The following ZNF625 variants were observed in gnomAD, a reference collection of about 807,000 sequenced individuals.
ZNF625 encodes the protein zinc finger protein 625.
Under a neutral mutation model 11.1 loss-of-function variants are expected in ZNF625, and 8 were observed. That is an observed-to-expected ratio of 0.72 (90% CI 0.42 to 1.30). ZNF625 has a LOEUF of 1.30. Among genes scored for constraint, ZNF625 ranks in the 50% most tolerant of loss-of-function variants. ZNF625 has a pLI of 0.01. For synonymous variants in ZNF625, 145 were observed against 153.4 expected (o/e 0.95, Z 0.41); for missense variants, 349 against 447.6 (o/e 0.78, Z 1.99).
intron 1 of ZNF625, among the ~76,000 whole-genome samples, chr19:12,148,594 C>T (rs1241750550): frequency 1.3e-5 from 2 of 150,522 alleles, no homozygotes; most frequent in African/African-American, 4.9e-5. Flanking sequence ...AATAGTATGA[C>T]GGTGCCTGAA....
At chr19:12,148,026 T>C (rs1045308494) in intron 1 of ZNF625, among the ~76,000 whole-genome samples, 1 of 152,092 alleles carries the variant, frequency 6.6e-6, no homozygotes, top group South Asian at 2.1e-4. Context: ...GTCACCCAAG[T>C]GGGAGTGCAG....
At chr19:12,152,091 A>G (rs1976964424) in intron 1 of ZNF625, among the ~76,000 whole-genome samples, 3 of 152,154 alleles carry the variant, frequency 2.0e-5, no homozygotes, top group Admixed American at 2.0e-4. Flanking sequence ...AAGTATATAA[A>G]TTTACACTAT....
At position 12,145,789 on chromosome 19, in the gene ZNF625, G is replaced by A; in HGVS notation, c.627C>T (p.His209=). 3 of 1,614,170 alleles carry A rather than the reference G, an allele frequency of 1.9e-6. No individual in the cohort carries two copies. The highest frequency in any genetic ancestry group is 2.5e-6 in the Non-Finnish European group (3 of 1,180,006). ...ALMCLSLYLI[H]KRTHTGEKPY... ...GTTTCTCTCCAGTGTGAGTTCGTTT[G>A]TGGATAAGATACAAACTGAGACACA... The change falls in exon 4 of 4, where the codon CAC becomes CAT. Residue 209 remains histidine, a synonymous_variant. Transcript: ENST00000439556.
At chr19:12,152,558 C>T (rs1478712884) in intron 1 of ZNF625, among the ~76,000 whole-genome samples, 1 of 151,994 alleles carries the variant, frequency 6.6e-6, no homozygotes, top group Non-Finnish European at 1.5e-5. Context: ...GATAAAAACA[C>T]TCGGCCGGGT....
chr19:12,148,445 T>A (rs1976907677), intron 1 of ZNF625, among the ~76,000 whole-genome samples: 1 of 152,078 alleles, frequency 6.6e-6, no homozygotes, highest in African/African-American at 2.4e-5. Context: ...AACTCCAGGG[T>A]GTCCAGTCTC....
intron 1 of ZNF625, among the ~76,000 whole-genome samples, chr19:12,154,888 C>G (rs912976933): frequency 2.0e-5 from 3 of 152,128 alleles, no homozygotes; most frequent in African/African-American, 7.2e-5. Flanking sequence ...TTAGACACAG[C>G]AACTGACCCA....
intron 3 of ZNF625, among the ~76,000 whole-genome samples, chr19:12,146,628 TG>T (rs1395075441): frequency 6.6e-6 from 1 of 152,154 alleles, no homozygotes; most frequent in South Asian, 2.1e-4. Context: ...GATGGGGTTT[TG>T]TCACATTTCC....
At chr19:12,151,884 T>C (rs1018171721) in intron 1 of ZNF625, among the ~76,000 whole-genome samples, 1 of 152,198 alleles carries the variant, frequency 6.6e-6, no homozygotes, top group African/African-American at 2.4e-5. Flanking sequence ...CAAAATTACA[T>C]ACTTTTTCTC....
At position 12,145,989 on chromosome 19, in the gene ZNF625, C is replaced by T. The variant is rs773470430; in HGVS notation, c.427G>A (p.Ala143Thr). 10 of 1,614,062 alleles carry T rather than the reference C, an allele frequency of 6.2e-6. No individual in the cohort carries two copies. Among genetic ancestry groups the T allele is most frequent in the Admixed American group, 1.7e-5 (1 of 60,004 alleles). ...CGAAAGTAGGGGAGATCACTGAAGG[C>T]TTTCTTACAGTATGTACATTTATAT... ...KPYKCTYCKK[A>T]FSDLPYFRTH... The change falls in exon 4 of 4, where the codon GCC (alanine) becomes ACC (threonine). Residue 143 changes from alanine (A) to threonine (T), a missense_variant. Physicochemically the swap from Ala to Thr is moderately conservative, Grantham distance 58. Transcript: ENST00000439556.
intron 3 of ZNF625, 151 bp downstream of exon 3, chr19:12,147,244 G>A: frequency 1.5e-6 from 1 of 672,782 alleles, no homozygotes; most frequent in Non-Finnish European, 2.5e-6. Flanking sequence ...TGGGATTACA[G>A]GCGTGAGCCA....
At chr19:12,151,244 C>T (rs1333775747) in intron 1 of ZNF625, among the ~76,000 whole-genome samples, 2 of 139,520 alleles carry the variant, frequency 1.4e-5, no homozygotes, top group Non-Finnish European at 3.2e-5. Flanking sequence ...CAGAGTCTCA[C>T]TCTGTCATCC....
intron 3 of ZNF625, among the ~76,000 whole-genome samples, chr19:12,146,970 A>ATT (rs934558893): frequency 7.6e-6 from 1 of 130,818 alleles, no homozygotes; most frequent in Admixed American, 7.6e-5. Context: ...GTTTTTAGAG[A>ATT]TTTTTTTTTT....
Position 12,146,234 on chromosome 19 carries a change from A to G in ZNF625, c.192-10T>C. Reference sequence around the variant, plus strand: ...CTCTCCCATAAGACCTCTGTGAACAATGAGAAGTATATCATAATGGGTTCC... The same window carrying G: ...CTCTCCCATAAGACCTCTGTGAACAGTGAGAAGTATATCATAATGGGTTCC... On this transcript the variant is annotated splice_polypyrimidine_tract_variant and intron_variant, in intron 3 of 3. Transcript: ENST00000439556. 6.2e-7 allele frequency: 1 copy of G among 1,608,072 alleles called. No individual in the cohort carries two copies. Among genetic ancestry groups the G allele is most frequent in the Non-Finnish European group, 8.5e-7 (1 of 1,177,438 alleles).
intron 1 of ZNF625, among the ~76,000 whole-genome samples, chr19:12,153,962 C>A (rs1161566951): frequency 6.6e-6 from 1 of 151,650 alleles, no homozygotes; most frequent in Non-Finnish European, 1.5e-5. Context: ...CACCTGCCGC[C>A]ATGTCCGGCT....
At chr19:12,155,718 G>T (rs1385363712) in intron 1 of ZNF625, among the ~76,000 whole-genome samples, 1 of 152,106 alleles carries the variant, frequency 6.6e-6, no homozygotes, top group Admixed American at 6.5e-5. Context: ...TGCTCTTTCC[G>T]TTATCAAACT....
intron 1 of ZNF625, among the ~76,000 whole-genome samples, chr19:12,150,138 C>A (rs1316189485): frequency 6.6e-6 from 1 of 152,156 alleles, no homozygotes; most frequent in Non-Finnish European, 1.5e-5. Flanking sequence ...TCCAATGCAG[C>A]CATTCATGGC....
At chr19:12,153,637 T>G (rs1976987703) in intron 1 of ZNF625, among the ~76,000 whole-genome samples, 1 of 148,180 alleles carries the variant, frequency 6.7e-6, no homozygotes, top group African/African-American at 2.5e-5. Flanking sequence ...TGAGCTGAGA[T>G]TGTGCCAGTG....
chr19:12,147,572 G>T, intron 2 of ZNF625, 104 bp downstream of exon 2: 6 of 1,565,332 alleles, frequency 3.8e-6, no homozygotes, highest in Non-Finnish European at 4.4e-6. Flanking sequence ...CCTATTCCCT[G>T]TCCTCACTAT....
Position 12,145,260 on chromosome 19 carries a change from T to C in ZNF625, c.*37A>G. 10 of 1,540,364 alleles carry C rather than the reference T, an allele frequency of 6.5e-6. No individual in the cohort carries two copies. The highest frequency in any genetic ancestry group is 8.7e-6 in the Non-Finnish European group (10 of 1,143,568). On this transcript the variant is annotated 3_prime_UTR_variant, in exon 4 of 4. Coordinates refer to ENST00000439556, the MANE Select transcript of ZNF625 (RefSeq NM_145233.4). ...ATTTGAGGGAAACACATTTTTACCA[T>C]GATTGGATTCGGTGGCTTCTAGGAA...
Sources: gnomAD v4.1 joint callset for allele counts (sites outside exome capture counted in the v4.1 genomes callset) on GRCh38, gnomAD v4.1.1 for gene constraint, MANE v1.5 for transcripts, NCBI Gene and HGNC (gene_info 2026-07-23, HGNC 2026-07-21) for gene names.